The following NPAS3 variants were observed in gnomAD, a reference collection of about 807,000 sequenced individuals.
NPAS3 encodes the protein neuronal PAS domain protein 3, also known as neuronal PAS domain-containing protein 3.
NPAS3 carries 14 observed loss-of-function variants against 73.1 expected under a neutral mutation model. The observed-to-expected ratio is 0.19, with a 90% CI of 0.13 to 0.30. NPAS3 has a LOEUF of 0.30. Ranked by LOEUF, NPAS3 falls within the 10% of genes least tolerant of loss-of-function variation. The probability of loss-of-function intolerance (pLI) is 1.00; values close to 1 mark genes in which losing one functional copy is unlikely to be tolerated. For missense variants in NPAS3, 1,096 were observed against 1,250.0 expected (o/e 0.88, Z 1.86); for synonymous variants, 620 against 541.5 (o/e 1.14, Z -2.01).
intron 6 of NPAS3, among the ~76,000 whole-genome samples, chr14:33,721,693 A>G (rs946338757): frequency 2.0e-5 from 3 of 152,172 alleles, no homozygotes; most frequent in Admixed American, 6.6e-5. Flanking sequence ...TTTAGGTTTC[A>G]TTTTGCTTGT....
Position 33,181,472 on chromosome 14 carries a change from C to T in NPAS3, c.141-33710C>T, listed in dbSNP as rs554071850. Among the ~76,000 whole-genome samples the T allele has an allele frequency of 1.2e-4, 19 of 152,214 alleles. No individual in the cohort carries two copies. The South Asian group carries it at 3.7e-3, about 30-fold the overall frequency. On this transcript the variant is annotated intron_variant, in intron 2 of 11. Transcript: ENST00000356141. The stretch of plus-strand genomic sequence containing the variant: ...TGAGATAGTGGGACAATGAGTCCCT[C>T]CCATGTGATAATTTACTGTCTTTTG...
intron 1 of NPAS3, among the ~76,000 whole-genome samples, chr14:32,994,476 A>G (rs1404168148): frequency 1.3e-5 from 2 of 151,670 alleles, no homozygotes; most frequent in Non-Finnish European, 2.9e-5. Flanking sequence ...TTTTTTTTTC[A>G]TGATGGATGT....
At chr14:33,712,355 G>A (rs1206664197) in intron 6 of NPAS3, among the ~76,000 whole-genome samples, 2 of 152,164 alleles carry the variant, frequency 1.3e-5, no homozygotes, top group African/African-American at 4.8e-5. Context: ...ACGCATTCAA[G>A]TGGCATCTGC....
rs1210591895 is a variant in NPAS3 at position 33,786,455 on chromosome 14, C to A, written c.1154-7442C>A. Among the ~76,000 whole-genome samples, 3 of 152,152 alleles carry A rather than the reference C, an allele frequency of 2.0e-5. No homozygotes were observed. In the East Asian group the frequency reaches 5.8e-4, roughly 29 times the overall value. The stretch of plus-strand genomic sequence containing the variant: ...CCAGAAGCACAGGGTCCACCAGAGA[C>A]AAAATAAATCTGAGTATAAGGTCCA... On this transcript the variant is annotated intron_variant, in intron 9 of 11. Coordinates refer to ENST00000356141, the Ensembl canonical transcript of NPAS3.
At chr14:33,680,335 T>G (rs10147298) in intron 6 of NPAS3, among the ~76,000 whole-genome samples, 7,176 of 152,264 alleles carry the variant, frequency 0.047, 565 homozygotes, top group African/African-American at 0.16. Flanking sequence ...AAAAGTGTTG[T>G]GTTTTACTCC....
At chr14:33,440,674 C>A (rs893393039) in intron 4 of NPAS3, among the ~76,000 whole-genome samples, 1 of 152,138 alleles carries the variant, frequency 6.6e-6, no homozygotes, top group Non-Finnish European at 1.5e-5. Flanking sequence ...GGGTGGATCA[C>A]CTGAGGTCAG....
chr14:33,193,198 GTTT>G (rs33973640), intron 2 of NPAS3, among the ~76,000 whole-genome samples: 2,092 of 142,038 alleles, frequency 0.015, 19 homozygotes, highest in Middle Eastern at 0.064. Context: ...AAGTGTCTTA[GTTT>G]TTTTTTTTTT....
At chr14:33,763,052 C>A (rs1167685505) in intron 7 of NPAS3, among the ~76,000 whole-genome samples, 2 of 152,142 alleles carry the variant, frequency 1.3e-5, no homozygotes, top group Admixed American at 6.5e-5. Flanking sequence ...CTTGTGTCTG[C>A]CACTAACTGG....
At chr14:33,127,609 A>G (rs1595505885) in intron 2 of NPAS3, among the ~76,000 whole-genome samples, 1 of 152,134 alleles carries the variant, frequency 6.6e-6, no homozygotes, top group Non-Finnish European at 1.5e-5. Context: ...CAGATCCTGC[A>G]TTTTACGGAC....
At chr14:33,724,936 T>G (rs1253710693) in intron 6 of NPAS3, among the ~76,000 whole-genome samples, 1 of 152,118 alleles carries the variant, frequency 6.6e-6, no homozygotes, top group African/African-American at 2.4e-5. Flanking sequence ...GATAAGAAAG[T>G]TGAAAGATTA....
intron 2 of NPAS3, among the ~76,000 whole-genome samples, chr14:33,210,115 CCTT>C (rs1349751935): frequency 6.6e-6 from 1 of 152,140 alleles, no homozygotes; most frequent in African/African-American, 2.4e-5. Flanking sequence ...ATCATTATAA[CCTT>C]CTCTGTGAAG....
At chr14:33,629,590 C>T (rs1216182905) in intron 5 of NPAS3, among the ~76,000 whole-genome samples, 1 of 151,264 alleles carries the variant, frequency 6.6e-6, no homozygotes, top group Non-Finnish European at 1.5e-5. Flanking sequence ...TTTTTTAACA[C>T]ATTCCCTCTA....
At chr14:32,995,635 C>G (rs1202720467) in intron 1 of NPAS3, among the ~76,000 whole-genome samples, 1 of 152,202 alleles carries the variant, frequency 6.6e-6, no homozygotes, top group Non-Finnish European at 1.5e-5. Context: ...AAATGAGTCT[C>G]ACAGGATCTG....
At chr14:33,246,471 C>G (rs574792994) in intron 3 of NPAS3, among the ~76,000 whole-genome samples, 1 of 138,602 alleles carries the variant, frequency 7.2e-6, no homozygotes, top group African/African-American at 2.7e-5. Flanking sequence ...CCCCGGGGGA[C>G]GGAGCCTGCA....
chr14:33,055,859 G>A, intron 1 of NPAS3, 46 bp from the exon 2 acceptor site: 3 of 773,302 alleles, frequency 3.9e-6, no homozygotes, highest in Non-Finnish European at 6.9e-6. Flanking sequence ...CCAGTTGACT[G>A]TAGAGAATCT....
intron 2 of NPAS3, among the ~76,000 whole-genome samples, chr14:33,131,213 A>G (rs1191005266): frequency 6.6e-6 from 1 of 152,106 alleles, no homozygotes; most frequent in Non-Finnish European, 1.5e-5. Flanking sequence ...TGTGTAGTAA[A>G]ATTTTATATG....
At chr14:33,757,595 G>A (rs1338654536) in intron 7 of NPAS3, among the ~76,000 whole-genome samples, 42 of 152,196 alleles carry the variant, frequency 2.8e-4, no homozygotes, top group Non-Finnish European at 1.3e-4. Flanking sequence ...TTGTCCAGAT[G>A]TGAGATTTCA....
At position 33,557,766 on chromosome 14, in the gene NPAS3, A is replaced by G. The variant is rs561013166; in HGVS notation, c.469-2355A>G. On this transcript the variant is annotated intron_variant, in intron 4 of 11. Transcript: ENST00000356141. ...GGGCAGATCACGAGGTCAGGAGATC[A>G]AGGCCATCCTGGCTAACACGGTGAA... 3.6e-3 allele frequency among the ~76,000 whole-genome samples: 551 copies of G among 152,264 alleles called. 1 individual carries two copies. Among genetic ancestry groups the G allele is most frequent in the Non-Finnish European group, 5.9e-3 (398 of 68,014 alleles).
intron 2 of NPAS3, among the ~76,000 whole-genome samples, chr14:33,116,733 C>T (rs1420218232): frequency 6.6e-6 from 1 of 151,874 alleles, no homozygotes; most frequent in Non-Finnish European, 1.5e-5. Context: ...TATCCCCTCC[C>T]CACCCACCCA....
Sources: gnomAD v4.1 joint callset for allele counts (sites outside exome capture counted in the v4.1 genomes callset) on GRCh38, gnomAD v4.1.1 for gene constraint, MANE v1.5 for transcripts, NCBI Gene and HGNC (gene_info 2026-07-23, HGNC 2026-07-21) for gene names.